Variants in FAAH2 observed in about 807,000 individuals in gnomAD.
The protein encoded by FAAH2 is fatty acid amide hydrolase 2.
FAAH2 carries 60 observed loss-of-function variants against 36.9 expected under a neutral mutation model. The observed-to-expected ratio is 1.63, with a 90% CI of 1.32 to 2.02. FAAH2 has a LOEUF of 2.02. Among genes scored for constraint, FAAH2 ranks in the 30% most tolerant of loss-of-function variants. The probability of loss-of-function intolerance (pLI) is 0.00; values close to 1 mark genes in which losing one functional copy is unlikely to be tolerated. For missense variants in FAAH2, 689 were observed against 397.5 expected (o/e 1.73, Z -6.23); for synonymous variants, 214 against 143.8 (o/e 1.49, Z -3.49).
At chrX:57,229,247 T>C in the FAAH2 span, 1 of 112,248 alleles carries the variant, frequency 8.9e-6, no homozygotes, top group Non-Finnish European at 1.9e-5. Context: ...CTCATGCCTT[T>C]GGTGAAAGCT....
intron 10 of FAAH2, among the ~76,000 whole-genome samples, chrX:57,487,776 G>GTA (rs777676370): frequency 9.0e-6 from 1 of 111,575 alleles, no homozygotes; most frequent in Non-Finnish European, 1.9e-5. Flanking sequence ...ATCTTTATAT[G>GTA]TATATATATG....
intron 3 of FAAH2, among the ~76,000 whole-genome samples, chrX:57,316,432 G>A (rs935597235): frequency 1.8e-5 from 2 of 111,478 alleles, no homozygotes; most frequent in African/African-American, 6.5e-5. Flanking sequence ...GCAATCCTAA[G>A]CAAATAGAAG....
chrX:57,239,893 C>A, the FAAH2 span, among the ~76,000 whole-genome samples: 6 of 111,767 alleles, frequency 5.4e-5, no homozygotes, highest in South Asian at 1.9e-3. Flanking sequence ...CAGTTTTGTT[C>A]TTTCTTAAAA....
chrX:57,175,584 T>A, the FAAH2 span, among the ~76,000 whole-genome samples: 1 of 111,819 alleles, frequency 8.9e-6, no homozygotes, highest in African/African-American at 3.2e-5. Context: ...AATATTGAGA[T>A]GTGAGGTACT....
At chrX:57,466,156 C>CTCTCTATATATATATATATATA (rs1287266105) in intron 10 of FAAH2, among the ~76,000 whole-genome samples, 1 of 66,417 alleles carries the variant, frequency 1.5e-5, no homozygotes, top group African/African-American at 5.9e-5. Context: ...CTCTCTCTCT[C>CTCTCTATATATATATATATATA]TATATATATA....
chrX:57,334,441 A>T (rs1476758769), intron 4 of FAAH2, among the ~76,000 whole-genome samples: 1 of 111,306 alleles, frequency 9.0e-6, no homozygotes, highest in East Asian at 2.8e-4. Context: ...CAGTAGAGCA[A>T]CAGAGCAAGA....
chrX:57,288,461 T>A (rs2051881683), intron 1 of FAAH2, among the ~76,000 whole-genome samples: 1 of 101,153 alleles, frequency 9.9e-6, no homozygotes, highest in East Asian at 3.5e-4. Context: ...GCCATTCTCC[T>A]GCCTCAGCCT....
At chrX:57,238,497 G>T in the FAAH2 span, among the ~76,000 whole-genome samples, 1 of 111,131 alleles carries the variant, frequency 9.0e-6, no homozygotes, top group Non-Finnish European at 1.9e-5. Context: ...AGGGAGGAGG[G>T]GGAGAGGATC....
chrX:57,130,466 C>T, the FAAH2 span, among the ~76,000 whole-genome samples: 1 of 112,230 alleles, frequency 8.9e-6, no homozygotes, highest in Non-Finnish European at 1.9e-5. Context: ...TTGCAGTTCT[C>T]TCTTAATTGT....
At chrX:57,329,934 C>A (rs1009319034) in intron 3 of FAAH2, among the ~76,000 whole-genome samples, 10 of 112,041 alleles carry the variant, frequency 8.9e-5, no homozygotes, top group African/African-American at 1.3e-4. Flanking sequence ...CCAATCAATA[C>A]CCTTATGATT....
intron 7 of FAAH2, among the ~76,000 whole-genome samples, chrX:57,399,938 G>A (rs5960969): frequency 0.53 from 58,795 of 111,004 alleles, 13,606 homozygotes; most frequent in Non-Finnish European, 0.72. Flanking sequence ...TGCATAATAC[G>A]CTTTTTAAAG....
At chrX:57,355,256 C>A (rs1373973297) in intron 5 of FAAH2, among the ~76,000 whole-genome samples, 1 of 110,460 alleles carries the variant, frequency 9.1e-6, no homozygotes, top group Non-Finnish European at 1.9e-5. Flanking sequence ...AAATTGGCTT[C>A]TTTGTCTTTT....
At chrX:57,416,502 G>C (rs770749853) in intron 7 of FAAH2, among the ~76,000 whole-genome samples, 2 of 111,813 alleles carry the variant, frequency 1.8e-5, no homozygotes, top group Non-Finnish European at 3.8e-5. Context: ...TTGTTTAGCT[G>C]GATGTGAAAT....
chrX:57,329,574 A>G (rs1490419337), intron 3 of FAAH2, among the ~76,000 whole-genome samples: 1 of 109,451 alleles, frequency 9.1e-6, no homozygotes, highest in Non-Finnish European at 1.9e-5. Context: ...GAGTAGTGGC[A>G]TGGCAGGGTG....
intron 7 of FAAH2, among the ~76,000 whole-genome samples, chrX:57,430,757 A>G (rs185978334): frequency 2.0e-4 from 22 of 111,605 alleles, no homozygotes; most frequent in Admixed American, 1.4e-3. Context: ...TTTCTATTAA[A>G]TTTATTTTTT....
In FAAH2 at chrX:57,394,610, G is replaced by A. The variant is rs1195898526; in HGVS notation, c.996+13581G>A. 29 of 1,134,996 alleles carry A rather than the reference G, an allele frequency of 2.6e-5. No individual in the cohort carries two copies. The East Asian group carries it at 3.0e-4, about 12-fold the overall frequency. 93.5% of individuals were successfully genotyped at this position (1,134,996 alleles called of 1,213,427 possible). A position where few individuals can be genotyped will look rare whatever the true frequency, so the allele number is the denominator to read the frequency against. On this transcript the variant is annotated intron_variant, in intron 7 of 10. Coordinates refer to ENST00000374900, the MANE Select transcript of FAAH2 (RefSeq NM_174912.4). ...AGTGCTCTGCATGAGCATTGCAACC[G>A]TCATGAGCCCTAAGCCACCAGGAAC...
the FAAH2 span, among the ~76,000 whole-genome samples, chrX:57,258,674 C>T: frequency 5.5e-5 from 6 of 108,313 alleles, no homozygotes; most frequent in East Asian, 2.9e-4. Context: ...AACTTACCAA[C>T]GATGAGCATG....
the FAAH2 span, among the ~76,000 whole-genome samples, chrX:57,216,484 T>TTATA: frequency 1.3e-4 from 8 of 61,782 alleles, no homozygotes; most frequent in Admixed American, 4.2e-4. Context: ...TAGTATTCTA[T>TTATA]TATATATATA....
chrX:57,251,129 G>A, the FAAH2 span, among the ~76,000 whole-genome samples: 1 of 111,733 alleles, frequency 8.9e-6, no homozygotes, highest in Admixed American at 9.5e-5. Context: ...GAATTCAAAT[G>A]CATATTAAAA....
Sources: allele counts gnomAD v4.1 joint callset (sites outside exome capture counted in the v4.1 genomes callset), GRCh38; gene constraint gnomAD v4.1.1; transcripts MANE v1.5; gene names NCBI Gene and HGNC (gene_info 2026-07-23, HGNC 2026-07-21).